PIK3C2G: variants seen among roughly 807,000 people sequenced by gnomAD.
PIK3C2G encodes the protein phosphatidylinositol-4-phosphate 3-kinase catalytic subunit type 2 gamma.
In PIK3C2G, 168 loss-of-function variants were observed where a neutral mutation model predicts 181.1. The ratio of observed to expected loss-of-function variants is 0.93; its 90% CI spans 0.82 to 1.05. The LOEUF (loss-of-function observed/expected upper bound fraction) is 1.05, where lower values mean the gene tolerates loss of function less well. Among genes scored for constraint, PIK3C2G ranks in the 50% least tolerant of loss-of-function variants. The pLI is 0.00. For missense variants in PIK3C2G, 1,869 were observed against 1,732.8 expected (o/e 1.08, Z -1.40); for synonymous variants, 573 against 592.2 (o/e 0.97, Z 0.47).
chr12:18,359,614 T>A (rs892758033), intron 11 of PIK3C2G, among the ~76,000 whole-genome samples: 2 of 152,180 alleles, frequency 1.3e-5, no homozygotes, highest in Non-Finnish European at 2.9e-5. Context: ...TGATATTGCT[T>A]TATATATTGG....
downstream of PIK3C2G, among the ~76,000 whole-genome samples, chr12:18,652,890 CATAT>C (rs1950578032): frequency 6.6e-6 from 1 of 151,786 alleles, no homozygotes; most frequent in African/African-American, 2.4e-5. Flanking sequence ...TGAACATATA[CATAT>C]ATATGTATAT....
intron 18 of PIK3C2G, among the ~76,000 whole-genome samples, chr12:18,449,692 C>T (rs778603233): frequency 1.3e-5 from 2 of 152,138 alleles, no homozygotes; most frequent in African/African-American, 2.4e-5. Context: ...TGTCTTTATC[C>T]AGTCTATCAT....
chr12:18,269,548 T>C (rs897453144), intron 1 of PIK3C2G, among the ~76,000 whole-genome samples: 3 of 152,184 alleles, frequency 2.0e-5, no homozygotes, highest in African/African-American at 4.8e-5. Flanking sequence ...GCTAAAACTA[T>C]TTACCACTTT....
intron 31 of PIK3C2G, among the ~76,000 whole-genome samples, chr12:18,623,314 C>T (rs765984920): frequency 3.2e-4 from 48 of 151,816 alleles, no homozygotes; most frequent in Non-Finnish European, 5.8e-4. Flanking sequence ...CTTTTCTCAT[C>T]GTATGTTATT....
chr12:18,408,997 T>C (rs998823157), intron 16 of PIK3C2G, among the ~76,000 whole-genome samples: 7 of 152,150 alleles, frequency 4.6e-5, no homozygotes, highest in African/African-American at 1.7e-4. Context: ...TGGCAATTCC[T>C]CAAGGATCTA....
the PIK3C2G span, among the ~76,000 whole-genome samples, chr12:18,700,505 C>G: frequency 1.4e-3 from 38 of 26,382 alleles, no homozygotes; most frequent in African/African-American, 3.2e-3. Context: ...AGATCAGAGC[C>G]AACGTACAAA....
At chr12:18,594,274 G>A (rs1037641019) in intron 29 of PIK3C2G, among the ~76,000 whole-genome samples, 1 of 151,964 alleles carries the variant, frequency 6.6e-6, no homozygotes, top group Non-Finnish European at 1.5e-5. Flanking sequence ...TGAAGAAATG[G>A]AAAGTAATCT....
In PIK3C2G at chr12:18,505,366, C is replaced by G; in HGVS notation, c.3228C>G (p.His1076Gln). 1 of 1,613,094 alleles carries G rather than the reference C, an allele frequency of 6.2e-7. No homozygotes were observed. Among genetic ancestry groups the G allele is most frequent in the South Asian group, 1.1e-5 (1 of 90,864 alleles). Residue 1076 changes from histidine (H) to glutamine (Q), a missense_variant, in exon 24 of 33, where the codon CAC (histidine) becomes CAG (glutamine). Physicochemically the swap from His to Gln is conservative, Grantham distance 24. Transcript: ENST00000538779. The stretch of plus-strand genomic sequence containing the variant: ...TCATCCTGGGAGTATGTGACCGTCA[C>G]AATGATAATATCATGCTGACAAAGT... ...VTFILGVCDR[H>Q]NDNIMLTKSG... is the part of the protein sequence containing the mutation.
intron 9 of PIK3C2G, among the ~76,000 whole-genome samples, chr12:18,339,719 G>A (rs1373955315): frequency 1.3e-5 from 2 of 151,906 alleles, no homozygotes; most frequent in Non-Finnish European, 2.9e-5. Context: ...CTTAATGTTG[G>A]GCTTTCTAGA....
chr12:18,273,849 C>T (rs1948854610), intron 1 of PIK3C2G, among the ~76,000 whole-genome samples: 1 of 152,022 alleles, frequency 6.6e-6, no homozygotes, highest in Non-Finnish European at 1.5e-5. Context: ...AAAGAAACTA[C>T]CATCAGAGTG....
At chr12:18,568,023 A>C (rs1348713814) in intron 29 of PIK3C2G, among the ~76,000 whole-genome samples, 2 of 152,064 alleles carry the variant, frequency 1.3e-5, no homozygotes, top group Non-Finnish European at 2.9e-5. Flanking sequence ...CTTTGGCTCA[A>C]ATTCTGACCC....
At chr12:18,273,686 A>C (rs906184144) in intron 1 of PIK3C2G, among the ~76,000 whole-genome samples, 3 of 151,608 alleles carry the variant, frequency 2.0e-5, no homozygotes. Flanking sequence ...TGTTAGACCT[A>C]AAACCATAAA....
At chr12:18,660,733 C>T in the PIK3C2G span, among the ~76,000 whole-genome samples, 1 of 151,954 alleles carries the variant, frequency 6.6e-6, no homozygotes, top group African/African-American at 2.4e-5. Flanking sequence ...TTATTAGATT[C>T]ATATATATAG....
chr12:18,609,479 G>A, intron 30 of PIK3C2G, 56 bp from the exon 31 acceptor site: 1 of 958,398 alleles, frequency 1.0e-6, no homozygotes, highest in Non-Finnish European at 1.6e-6. Flanking sequence ...ATGTTTGATT[G>A]TTCCTGTGCT....
intron 12 of PIK3C2G, among the ~76,000 whole-genome samples, chr12:18,369,042 A>G (rs1320903262): frequency 6.6e-6 from 1 of 152,164 alleles, no homozygotes; most frequent in Non-Finnish European, 1.5e-5. Context: ...GGCTTTTGTC[A>G]TCTTCAGTAC....
At chr12:18,313,026 A>G (rs920161482) in intron 5 of PIK3C2G, among the ~76,000 whole-genome samples, 3 of 152,064 alleles carry the variant, frequency 2.0e-5, no homozygotes, top group Non-Finnish European at 2.9e-5. Context: ...CAAGTATCTA[A>G]TATACTTTTT....
chr12:18,532,289 TGCTG>T (rs1943597600), intron 24 of PIK3C2G, among the ~76,000 whole-genome samples: 1 of 152,212 alleles, frequency 6.6e-6, no homozygotes. Flanking sequence ...ACTGGCAGTT[TGCTG>T]GCTATGTGTT....
intron 24 of PIK3C2G, among the ~76,000 whole-genome samples, chr12:18,536,384 C>T (rs1943854819): frequency 1.3e-5 from 2 of 152,212 alleles, no homozygotes; most frequent in South Asian, 4.1e-4. Context: ...TTCTCTCAAC[C>T]ATACCAAGAG....
At chr12:18,445,173 G>A (rs1946956275) in intron 18 of PIK3C2G, among the ~76,000 whole-genome samples, 1 of 151,856 alleles carries the variant, frequency 6.6e-6, no homozygotes, top group Non-Finnish European at 1.5e-5. Context: ...AAAATTCAGA[G>A]ACTTTTTTAT....
Sources: gnomAD v4.1 joint callset for allele counts (sites outside exome capture counted in the v4.1 genomes callset) on GRCh38, gnomAD v4.1.1 for gene constraint, MANE v1.5 for transcripts, NCBI Gene and HGNC (gene_info 2026-07-23, HGNC 2026-07-21) for gene names.